SLC5A9: variants seen among roughly 807,000 people sequenced by gnomAD.
SLC5A9 encodes solute carrier family 5 member 9.
Under a neutral mutation model 70.9 loss-of-function variants are expected in SLC5A9, and 59 were observed. The observed-to-expected ratio is 0.83, with a 90% CI of 0.68 to 1.03. The LOEUF is 1.03. SLC5A9 is among the 50% of genes least tolerant of loss of function. The probability of loss-of-function intolerance (pLI) is 0.00; values close to 1 mark genes in which losing one functional copy is unlikely to be tolerated. For missense variants in SLC5A9, 832 were observed against 881.1 expected, an observed-to-expected ratio of 0.94 and a Z score of 0.71; for synonymous variants, 340 against 346.5, an observed-to-expected ratio of 0.98 and a Z score of 0.21.
At chr1:48,242,359 T>G in intron 12 of SLC5A9, 98 bp from the exon 13 acceptor site, 10 of 1,410,980 alleles carry the variant, frequency 7.1e-6, no homozygotes, top group Non-Finnish European at 9.6e-6. Flanking sequence ...TTGTACTCTT[T>G]GCTTTTGCTC....
At position 48,233,764 on chromosome 1, in the gene SLC5A9, T is replaced by G. The variant is rs1441768274; in HGVS notation, c.1141+2T>G. On this transcript the variant is annotated splice_donor_variant, in intron 9 of 13. Transcript: ENST00000438567. LOFTEE classifies it high-confidence loss of function. ...TGGTCATGGCCCTCATGCCTGTTGGTGAGTCTCTTCTCCCCACCCCACCCT... is the reference window on the plus strand; with the variant it reads ...TGGTCATGGCCCTCATGCCTGTTGGGGAGTCTCTTCTCCCCACCCCACCCT... 1.9e-6 allele frequency: 3 copies of G among 1,605,054 alleles called. No homozygotes were observed. The South Asian group carries it at 3.3e-5, about 18-fold the overall frequency.
chr1:48,224,900 A>C (rs1480769283), intron 2 of SLC5A9, 105 bp downstream of exon 2: 1 of 1,130,740 alleles, frequency 8.8e-7, no homozygotes, highest in Non-Finnish European at 1.3e-6. Flanking sequence ...ACCAAGGCAA[A>C]GACCTCCCCG....
At chr1:48,226,468 GC>G (rs1644148453) in intron 2 of SLC5A9, among the ~76,000 whole-genome samples, 3 of 152,202 alleles carry the variant, frequency 2.0e-5, no homozygotes, top group Non-Finnish European at 1.5e-5. Context: ...GAGAGGATGT[GC>G]TCCCCATCCT....
intron 10 of SLC5A9, among the ~76,000 whole-genome samples, chr1:48,236,477 G>A (rs1199700263): frequency 6.6e-6 from 1 of 152,214 alleles, no homozygotes; most frequent in Non-Finnish European, 1.5e-5. Context: ...TAAGGAATTC[G>A]AACTTTATCT....
At chr1:48,237,292 T>G (rs1353608412) in intron 10 of SLC5A9, among the ~76,000 whole-genome samples, 1 of 140,362 alleles carries the variant, frequency 7.1e-6, no homozygotes, top group Non-Finnish European at 1.5e-5. Flanking sequence ...GGGAAAGAGC[T>G]GCCCTACACA....
At position 48,242,552 on chromosome 1, in the gene SLC5A9, CG is replaced by C; in HGVS notation, c.1777del (p.Glu593SerfsTer45). The C allele has an allele frequency of 6.2e-7, 1 of 1,613,598 alleles. No homozygotes were observed. Among genetic ancestry groups the C allele is most frequent in the Non-Finnish European group, 8.5e-7 (1 of 1,179,694 alleles). ...STPEISERPA[G>X]ECPAGGGAAE... The stretch of plus-strand genomic sequence containing the variant: ...CACCGGAGATATCCGAGAGGCCAGC[CG>C]GGGAGTGCCCTGCAGGAGGTGGAGC... On this transcript the variant is annotated frameshift_variant, in exon 13 of 14. Coordinates refer to ENST00000438567, the MANE Select transcript of SLC5A9 (RefSeq NM_001011547.3). LOFTEE classifies it high-confidence loss of function.
At chr1:48,228,750 G>T in intron 2 of SLC5A9, 100 bp from the exon 3 acceptor site, 3 of 1,555,832 alleles carry the variant, frequency 1.9e-6, no homozygotes, top group Non-Finnish European at 2.6e-6. Context: ...CATACAGTGG[G>T]TACCCAACAA....
rs1404589932 is a variant in SLC5A9, at chr1:48,229,328, TTCGTCCCTGTGTACA to T, written c.377_391del (p.Val126_Ile130del). The T allele has an allele frequency of 3.9e-5, 63 of 1,614,062 alleles. No individual in the cohort carries two copies. Among genetic ancestry groups the T allele is most frequent in the Non-Finnish European group, 5.2e-5 (61 of 1,180,046 alleles). ...GCTGCTCCTGGCCCTTGGCTGGGTC[TTCGTCCCTGTGTACA>T]TCGCAGCAGGTGTGGTCACAATGCC... On this transcript the variant is annotated inframe_deletion, in exon 4 of 14. Transcript: ENST00000438567.
intron 1 of SLC5A9, 67 bp downstream of exon 1, chr1:48,222,965 G>A: frequency 6.5e-7 from 1 of 1,547,910 alleles, no homozygotes; most frequent in Non-Finnish European, 8.9e-7. Context: ...GGGTGGGGCT[G>A]TGGAGCTGGG....
intron 13 of SLC5A9, among the ~76,000 whole-genome samples, chr1:48,242,827 T>C (rs566969328): frequency 2.0e-5 from 3 of 152,172 alleles, no homozygotes; most frequent in African/African-American, 7.2e-5. Context: ...TGATCAAGTA[T>C]AAGTGGAAAG....
At chr1:48,242,740 C>T in intron 13 of SLC5A9, 124 bp downstream of exon 13, 2 of 926,830 alleles carry the variant, frequency 2.2e-6, no homozygotes, top group South Asian at 4.4e-5. Context: ...AACTCCTTTC[C>T]CACGTGGCTA....
intron 7 of SLC5A9, 65 bp from the exon 8 acceptor site, chr1:48,232,302 C>T: frequency 6.3e-7 from 1 of 1,591,984 alleles, no homozygotes; most frequent in Non-Finnish European, 8.6e-7. Context: ...AGTGTCAGGG[C>T]TCACCTGTGG....
intron 13 of SLC5A9, among the ~76,000 whole-genome samples, chr1:48,244,878 GTATA>G (rs756117312): frequency 0.011 from 336 of 29,400 alleles, 91 homozygotes; most frequent in East Asian, 0.077. Context: ...ATGTGTATGT[GTATA>G]TATATATATA....
chr1:48,233,797 C>T (rs1644291110), intron 9 of SLC5A9, 35 bp downstream of exon 9: 2 of 1,453,562 alleles, frequency 1.4e-6, no homozygotes, highest in East Asian at 2.3e-5. Flanking sequence ...CCTGCACTCT[C>T]ACCTCCAGCC....
intron 10 of SLC5A9, among the ~76,000 whole-genome samples, chr1:48,236,570 T>G (rs189557534): frequency 6.6e-6 from 1 of 152,370 alleles, no homozygotes; most frequent in Admixed American, 6.5e-5. Flanking sequence ...ATTTGTAGTT[T>G]ACATAAGGTT....
Position 48,232,395 on chromosome 1 carries a change from A to G in SLC5A9, c.926A>G (p.Lys309Arg). 2 of 1,614,168 alleles carry G rather than the reference A, an allele frequency of 1.2e-6. No individual in the cohort carries two copies. Among genetic ancestry groups the G allele is most frequent in the Non-Finnish European group, 1.7e-6 (2 of 1,180,026 alleles). ...ATTGTGCAGCGGTCTCTCTCGGCCA[A>G]GAGTCTGTCTCATGCCAAGGGAGGC... is the stretch of plus-strand genomic sequence containing the variant. ...QVIVQRSLSA[K>R]SLSHAKGGSV... The change falls in exon 8 of 14, where the codon AAG becomes AGG. Residue 309 changes from lysine (K) to arginine (R), a missense_variant. By Grantham distance (26) the Lys-to-Arg change is conservative (BLOSUM62 2). Transcript: ENST00000438567.
intron 13 of SLC5A9, among the ~76,000 whole-genome samples, chr1:48,244,878 G>GTATATAGATATATATATATA: frequency 3.4e-5 from 1 of 29,418 alleles, no homozygotes; most frequent in South Asian, 1.6e-3. Context: ...ATGTGTATGT[G>GTATATAGATATATATATATA]TATATATATA....
chr1:48,226,813 CT>C (rs1158522292), intron 2 of SLC5A9, among the ~76,000 whole-genome samples: 2 of 152,270 alleles, frequency 1.3e-5, no homozygotes, highest in Admixed American at 6.5e-5. Flanking sequence ...GTGGAGGTGC[CT>C]CACTGCTCCA....
chr1:48,225,788 TCA>T (rs895464756), intron 2 of SLC5A9, among the ~76,000 whole-genome samples: 5 of 151,866 alleles, frequency 3.3e-5, no homozygotes, highest in Non-Finnish European at 5.9e-5. Flanking sequence ...ACTCACACTC[TCA>T]CTCTCATACA....
Sources: gnomAD v4.1 joint callset for allele counts (sites outside exome capture counted in the v4.1 genomes callset) on GRCh38, gnomAD v4.1.1 for gene constraint, MANE v1.5 for transcripts, NCBI Gene and HGNC (gene_info 2026-07-23, HGNC 2026-07-21) for gene names.